The following PVT1 variants were observed in gnomAD, a reference collection of about 807,000 sequenced individuals.
PVT1 encodes Pvt1 oncogene.
At chr8:128,015,916 G>T (rs1193994291) in intron 4 of PVT1, among the ~76,000 whole-genome samples, 3 of 152,090 alleles carry the variant, frequency 2.0e-5, no homozygotes, top group Admixed American at 6.5e-5. Flanking sequence ...ACTGGCAGCG[G>T]AGATGAAGGA....
At chr8:127,974,909 T>A (rs1471681946) in intron 3 of PVT1, among the ~76,000 whole-genome samples, 1 of 151,972 alleles carries the variant, frequency 6.6e-6, no homozygotes, top group Non-Finnish European at 1.5e-5. Context: ...CACTTTTTTT[T>A]AATCCTAAAG....
At chr8:128,022,201 C>G (rs1310908807) in intron 4 of PVT1, among the ~76,000 whole-genome samples, 3 of 152,166 alleles carry the variant, frequency 2.0e-5, no homozygotes, top group Non-Finnish European at 4.4e-5. Flanking sequence ...ACAATGTGCT[C>G]TCCTTATCCC....
chr8:127,983,252 C>A (rs565840962), intron 3 of PVT1, among the ~76,000 whole-genome samples: 2 of 152,334 alleles, frequency 1.3e-5, no homozygotes, highest in South Asian at 2.1e-4. Context: ...GCTGTAGGAA[C>A]AGTAGTAGCC....
intron 4 of PVT1, among the ~76,000 whole-genome samples, chr8:127,994,463 G>A (rs1817081022): frequency 6.6e-6 from 1 of 152,218 alleles, no homozygotes; most frequent in Admixed American, 6.5e-5. Context: ...AGTTAACAGA[G>A]TGGATAAAAA....
rs570750286 is a variant in PVT1 at position 128,005,565 on chromosome 8, G to A, written n.912+16274G>A. 2.0e-5 allele frequency among the ~76,000 whole-genome samples: 3 copies of A among 152,264 alleles called. No individual in the cohort carries two copies. In the South Asian group the frequency reaches 6.2e-4, roughly 32 times the overall value. On this transcript the variant is annotated intron_variant and non_coding_transcript_variant, in intron 4 of 10. Transcript: ENST00000651587. The stretch of plus-strand genomic sequence containing the variant: ...TCTGCTGACTGCAGTGTGTCCTGGA[G>A]CCCTGACTTAGTTAAACCTCAGAAC...
chr8:128,005,845 C>T (rs949479821), intron 4 of PVT1, among the ~76,000 whole-genome samples: 10 of 152,036 alleles, frequency 6.6e-5, no homozygotes, highest in Admixed American at 3.3e-4. Context: ...GGCTCACACC[C>T]GCAATGCCAG....
At chr8:127,836,159 T>TA (rs1161583764) in intron 2 of PVT1, among the ~76,000 whole-genome samples, 4 of 152,222 alleles carry the variant, frequency 2.6e-5, no homozygotes, top group South Asian at 4.2e-4. Context: ...TCATAGTCTG[T>TA]AAAAAAAATT....
intron 3 of PVT1, among the ~76,000 whole-genome samples, chr8:127,970,580 T>C (rs944597247): frequency 3.3e-5 from 5 of 152,130 alleles, no homozygotes; most frequent in Non-Finnish European, 7.3e-5. Flanking sequence ...ATTACAGGCA[T>C]GAGCAACCAC....
At chr8:128,029,530 G>A (rs973622355) in intron 4 of PVT1, among the ~76,000 whole-genome samples, 9 of 152,138 alleles carry the variant, frequency 5.9e-5, no homozygotes, top group South Asian at 4.1e-4. Context: ...GGTCGGGTGC[G>A]GTGGCTCACG....
intron 3 of PVT1, among the ~76,000 whole-genome samples, chr8:127,974,682 C>T (rs920189446): frequency 6.6e-6 from 1 of 152,180 alleles, no homozygotes; most frequent in African/African-American, 2.4e-5. Context: ...TCCCAAAGTG[C>T]TGGGATTACA....
chr8:127,959,276 C>T (rs1419046383), intron 3 of PVT1, among the ~76,000 whole-genome samples: 1 of 152,118 alleles, frequency 6.6e-6, no homozygotes, highest in East Asian at 1.9e-4. Context: ...ATATTCTACA[C>T]TCTGGGGATA....
chr8:128,090,487 T>C (rs568614856), intron 5 of PVT1, among the ~76,000 whole-genome samples: 27 of 152,086 alleles, frequency 1.8e-4, no homozygotes, highest in Non-Finnish European at 3.5e-4. Flanking sequence ...TCAGAGAACG[T>C]GTTTCTTAGG....
chr8:127,856,986 G>C (rs995575360), intron 2 of PVT1, among the ~76,000 whole-genome samples: 1 of 152,128 alleles, frequency 6.6e-6, no homozygotes. Context: ...AGCACTTTGG[G>C]AGGCCGAGGC....
intron 2 of PVT1, among the ~76,000 whole-genome samples, chr8:127,823,745 C>A (rs1157696649): frequency 6.6e-6 from 1 of 152,222 alleles, no homozygotes; most frequent in Non-Finnish European, 1.5e-5. Context: ...GCTTTATCTG[C>A]AAGGTTAATT....
chr8:128,098,061 C>T (rs775654110), intron 6 of PVT1, among the ~76,000 whole-genome samples: 4 of 152,188 alleles, frequency 2.6e-5, no homozygotes, highest in Non-Finnish European at 4.4e-5. Flanking sequence ...TTCTTCCCCT[C>T]TCTGGACCTC....
At chr8:127,795,330 C>T (rs1814381547) in intron 1 of PVT1, among the ~76,000 whole-genome samples, 2 of 152,272 alleles carry the variant, frequency 1.3e-5, no homozygotes, top group South Asian at 4.1e-4. Context: ...CTTATTTATG[C>T]CAGTGTTTGT....
chr8:128,095,094 G>A (rs1023533269), intron 5 of PVT1, among the ~76,000 whole-genome samples: 3 of 152,194 alleles, frequency 2.0e-5, no homozygotes, highest in Non-Finnish European at 4.4e-5. Context: ...GATTGCAGCT[G>A]CAGTTTGGCT....
intron 5 of PVT1, among the ~76,000 whole-genome samples, chr8:128,073,193 G>C (rs1455557207): frequency 1.3e-5 from 2 of 152,136 alleles, no homozygotes; most frequent in Non-Finnish European, 2.9e-5. Flanking sequence ...TGTTCTGTCT[G>C]AATGGGGATC....
At chr8:127,909,504 C>T (rs1229251990) in intron 3 of PVT1, among the ~76,000 whole-genome samples, 1 of 152,154 alleles carries the variant, frequency 6.6e-6, no homozygotes, top group Admixed American at 6.5e-5. Context: ...GTGATAATAG[C>T]GCTTGCTTCA....
Sources: gnomAD v4.1 joint callset for allele counts (sites outside exome capture counted in the v4.1 genomes callset) on GRCh38, gnomAD v4.1.1 for gene constraint, MANE v1.5 for transcripts, NCBI Gene and HGNC (gene_info 2026-07-23, HGNC 2026-07-21) for gene names.